The following CLN6 variants were observed in gnomAD, a reference collection of about 807,000 sequenced individuals.
CLN6 encodes the protein ceroid-lipofuscinosis neuronal protein 6.
In CLN6, 22 loss-of-function variants were observed where a neutral mutation model predicts 33.3. The ratio of observed to expected loss-of-function variants is 0.66; its 90% CI spans 0.47 to 0.94. The LOEUF is 0.94. CLN6 is among the 40% of genes least tolerant of loss of function. CLN6 has a pLI of 0.00. For synonymous variants in CLN6, 201 were observed against 174.6 expected (o/e 1.15, Z -1.19); for missense variants, 387 against 417.1 (o/e 0.93, Z 0.63).
At chr15:68,254,967 T>C (rs1210497635) in intron 1 of CLN6, 1 of 853,574 alleles carries the variant, frequency 1.2e-6, no homozygotes. Flanking sequence ...TGCTATTTTT[T>C]ATCAAGTTTT....
At chr15:68,244,799 A>T (rs1396408836) in intron 1 of CLN6, among the ~76,000 whole-genome samples, 1 of 152,136 alleles carries the variant, frequency 6.6e-6, no homozygotes, top group Admixed American at 6.5e-5. Flanking sequence ...ACAGTGGTTC[A>T]TGCCAGCACT....
intron 2 of CLN6, chr15:68,214,714 G>T: frequency 2.8e-6 from 1 of 355,838 alleles, no homozygotes; most frequent in Non-Finnish European, 5.5e-6. Context: ...GGAGTTGGTA[G>T]GCTTCTCAGG....
chr15:68,214,140 G>A (rs2093213854), intron 3 of CLN6, 150 bp downstream of exon 3: 6 of 667,700 alleles, frequency 9.0e-6, no homozygotes, highest in Non-Finnish European at 8.1e-6. Context: ...CCGGGCCCCA[G>A]GCCCTGGACA....
At chr15:68,214,446 C>G in intron 2 of CLN6, 58 bp from the exon 3 acceptor site, 1 of 1,329,148 alleles carries the variant, frequency 7.5e-7, no homozygotes, top group South Asian at 1.2e-5. Flanking sequence ...GGCCCTCGGG[C>G]CTCAAGGGAG....
Position 68,229,604 on chromosome 15 carries a change from C to G in CLN6, c.-20G>C, listed in dbSNP as rs1314555144. 2.1e-6 allele frequency: 3 copies of G among 1,452,598 alleles called. No homozygotes were observed. Among genetic ancestry groups the G allele is most frequent in the Non-Finnish European group, 2.7e-6 (3 of 1,105,238 alleles). 90.0% of individuals were successfully genotyped at this position (1,452,598 alleles called of 1,614,324 possible). ...CTCCATGGCTGCCCCGCAGGCCCCT[C>G]GGCCCTGCCTTTCCGAGGAAGAGAC... On this transcript the variant is annotated 5_prime_UTR_variant, in exon 1 of 7. Coordinates refer to ENST00000249806, the MANE Select transcript of CLN6 (RefSeq NM_017882.3).
rs1227955049 is a variant in CLN6 at position 68,210,093 on chromosome 15, GC to G, written c.543-335del. Among the ~76,000 whole-genome samples the G allele has an allele frequency of 6.6e-6, 1 of 152,060 alleles. No individual in the cohort carries two copies. Among genetic ancestry groups the G allele is most frequent in the Admixed American group, 6.5e-5 (1 of 15,270 alleles). ...ACACCAGCAGCCCAGCACCACACTA[GC>G]CTGGAGACAGAGGCACCTCCCGGGC... On this transcript the variant is annotated intron_variant, in intron 5 of 6. Coordinates refer to ENST00000249806, the MANE Select transcript of CLN6 (RefSeq NM_017882.3). This position sits in a 1 kb window ranked among gnomAD's most constrained non-coding sequence, Gnocchi z 5.6.
chr15:68,216,546 C>T (rs1472619049), intron 2 of CLN6, among the ~76,000 whole-genome samples: 2 of 152,176 alleles, frequency 1.3e-5, no homozygotes, highest in African/African-American at 2.4e-5. Flanking sequence ...TAGACAAGCT[C>T]GTTATTGACT....
chr15:68,254,969 T>G (rs1892419356), intron 1 of CLN6: 1 of 854,516 alleles, frequency 1.2e-6, no homozygotes, highest in African/African-American at 1.7e-5. Flanking sequence ...CTATTTTTTA[T>G]CAAGTTTTAC....
chr15:68,208,071 C>A lies in CLN6; in HGVS notation c.*69G>T, dbSNP rs761969677. 1.4e-4 allele frequency: 211 copies of A among 1,521,742 alleles called. 1 individual carries two copies. Among genetic ancestry groups the A allele is most frequent in the Non-Finnish European group, 1.8e-4 (203 of 1,123,784 alleles). 94.3% of individuals were successfully genotyped at this position (1,521,742 alleles called of 1,614,324 possible). Reference sequence around the variant, plus strand: ...GTTACACACCCACACCCCCCCTACTCCTGTATTCAGATGCCCTCCATGGCC... The same window carrying A: ...GTTACACACCCACACCCCCCCTACTACTGTATTCAGATGCCCTCCATGGCC... On this transcript the variant is annotated 3_prime_UTR_variant, in exon 7 of 7. Transcript: ENST00000249806. This position sits in a 1 kb window ranked among gnomAD's most constrained non-coding sequence, Gnocchi z 5.8.
intron 3 of CLN6, chr15:68,214,056 C>G (rs2093213508): frequency 2.1e-6 from 1 of 483,734 alleles, no homozygotes; most frequent in Admixed American, 3.3e-5. Flanking sequence ...GCACGCCAGG[C>G]TGAGGCTCAA....
chr15:68,237,046 A>T (rs1892226024), intron 1 of CLN6, among the ~76,000 whole-genome samples: 1 of 150,362 alleles, frequency 6.7e-6, no homozygotes, highest in Non-Finnish European at 1.5e-5. Context: ...AGTCCCAGCT[A>T]CTCGGGAGGC....
chr15:68,224,990 C>A (rs947231594), intron 1 of CLN6, among the ~76,000 whole-genome samples: 1 of 152,032 alleles, frequency 6.6e-6, no homozygotes, highest in Non-Finnish European at 1.5e-5. Context: ...ATCCTCAAGG[C>A]AGTCAGCAGC....
At position 68,241,283 on chromosome 15, in the gene CLN6, G is replaced by C. The variant is rs1892278460; in HGVS notation, c.179+15407C>G. On this transcript the variant is annotated intron_variant, in intron 1 of 6. Transcript: ENST00000538696. This position sits in a 1 kb window ranked among gnomAD's most constrained non-coding sequence, Gnocchi z 4.2. ...AAAAACAAATACACAGTGCTGAGAT[G>C]ATCAGCACTATGCCAGCAATATTCC... Among the ~76,000 whole-genome samples, 1 of 151,858 alleles carries C rather than the reference G, an allele frequency of 6.6e-6. No individual in the cohort carries two copies. The highest frequency in any genetic ancestry group is 2.1e-4 in the South Asian group (1 of 4,832).
rs541105748 is a variant in CLN6 at position 68,229,284 on chromosome 15, C to A, written c.83+218G>T. Among the ~76,000 whole-genome samples, 737 of 152,298 alleles carry A rather than the reference C, an allele frequency of 4.8e-3. 5 individuals are homozygous for A. Among genetic ancestry groups the A allele is most frequent in the African/African-American group, 0.017 (692 of 41,560 alleles). Reference sequence around the variant, plus strand: ...CCCGAGCAACGGCGAAGCGGGGAGGCCGAGCCCCGCTGGGCCCCAGGCTCC... The same window carrying A: ...CCCGAGCAACGGCGAAGCGGGGAGGACGAGCCCCGCTGGGCCCCAGGCTCC... On this transcript the variant is annotated intron_variant, in intron 1 of 6. Transcript: ENST00000249806.
chr15:68,252,974 T>G (rs1892395041), intron 1 of CLN6, among the ~76,000 whole-genome samples: 1 of 152,258 alleles, frequency 6.6e-6, no homozygotes, highest in South Asian at 2.1e-4. Flanking sequence ...GGTGGATGCA[T>G]GAATAGGCAG....
chr15:68,257,068 G>C (rs1892445842), exon 1 of CLN6: 5 of 447,868 alleles, frequency 1.1e-5, no homozygotes, highest in Non-Finnish European at 2.0e-5. Context: ...CGGTTGGGCC[G>C]CGGGCCCAAG....
Position 68,208,064 on chromosome 15 carries a change from C to T in CLN6, c.*76G>A. 6.7e-7 allele frequency: 1 copy of T among 1,496,430 alleles called. No homozygotes were observed. Among genetic ancestry groups the T allele is most frequent in the African/African-American group, 1.4e-5 (1 of 71,974 alleles). The allele number at this position is 1,496,430 out of a possible 1,614,324, so 92.7% of individuals were successfully genotyped here. On this transcript the variant is annotated 3_prime_UTR_variant, in exon 7 of 7. Transcript: ENST00000249806. The surrounding 1 kb of genome is among the most constrained non-coding windows in gnomAD (Gnocchi z 5.8). ...GTCTCTGGTTACACACCCACACCCC[C>T]CCTACTCCTGTATTCAGATGCCCTC...
chr15:68,239,465 A>G (rs781058826), intron 1 of CLN6, among the ~76,000 whole-genome samples: 4 of 152,124 alleles, frequency 2.6e-5, no homozygotes, highest in African/African-American at 4.8e-5. Flanking sequence ...AGTTAAAAGA[A>G]AGTTGGTGTA....
chr15:68,237,193 A>C (rs1892229287), intron 1 of CLN6, among the ~76,000 whole-genome samples: 1 of 139,098 alleles, frequency 7.2e-6, no homozygotes, highest in Non-Finnish European at 1.5e-5. Flanking sequence ...AAAAAAACTG[A>C]ATGGAGGCCA....
Sources: gnomAD v4.1 joint callset for allele counts (sites outside exome capture counted in the v4.1 genomes callset) on GRCh38, gnomAD v4.1.1 for gene constraint, Gnocchi (gnomAD v3.1) non-coding constraint, MANE v1.5 for transcripts, NCBI Gene and HGNC (gene_info 2026-07-23, HGNC 2026-07-21) for gene names.